MYH9: variants seen among roughly 807,000 people sequenced by gnomAD.
MYH9 encodes myosin-9.
Under a neutral mutation model 241.9 loss-of-function variants are expected in MYH9, and 29 were observed. The ratio of observed to expected loss-of-function variants is 0.12; its 90% CI spans 0.09 to 0.16. The LOEUF is 0.16. MYH9 is among the 10% of genes least tolerant of loss of function. The pLI, the probability that MYH9 is intolerant of heterozygous loss-of-function variation, is 1.00. For missense variants in MYH9, 1,803 were observed against 2,595.5 expected (o/e 0.69, Z 6.63); for synonymous variants, 1,047 against 1,062.6 (o/e 0.99, Z 0.29).
rs1463075082 is a variant in MYH9, at chr22:36,293,487, C to T, written c.3943-6G>A. On this transcript the variant is annotated splice_region_variant and splice_polypyrimidine_tract_variant and intron_variant, in intron 29 of 40. Coordinates refer to ENST00000216181, the MANE Select transcript of MYH9 (RefSeq NM_002473.6). The surrounding 1 kb of genome is among the most constrained non-coding windows in gnomAD (Gnocchi z 5.1). The stretch of plus-strand genomic sequence containing the variant: ...TTCTCCTCCTGCAGCAGCTCCTACT[C>T]GCGGGTTGAGAGGGGTGCGGGTGCT... 8 of 1,612,806 alleles carry T rather than the reference C, an allele frequency of 5.0e-6. No individual in the cohort carries two copies. Among genetic ancestry groups the T allele is most frequent in the Non-Finnish European group, 6.8e-6 (8 of 1,180,012 alleles).
At chr22:36,290,147 G>A (rs892846397) in intron 31 of MYH9, among the ~76,000 whole-genome samples, 5 of 152,018 alleles carry the variant, frequency 3.3e-5, no homozygotes, top group African/African-American at 9.7e-5. Flanking sequence ...CAGTCAAACC[G>A]CAGGAGTTTG....
rs1010713304 is a variant in MYH9 at position 36,348,851 on chromosome 22, C to T, written c.333+53G>A. On this transcript the variant is annotated intron_variant, in intron 2 of 40. Transcript: ENST00000216181. Reference sequence around the variant, plus strand: ...GTGATGGGAAGACCCGCCCCCCCCCCCCACCTCGGAGCCCTCAGACCCAGC... The same window carrying T: ...GTGATGGGAAGACCCGCCCCCCCCCTCCACCTCGGAGCCCTCAGACCCAGC... 6.1e-5 allele frequency: 71 copies of T among 1,155,094 alleles called. 2 individuals carry two copies. The Admixed American group carries it at 1.1e-3, about 18-fold the overall frequency. The allele number at this position is 1,155,094 out of a possible 1,614,324, so 71.6% of individuals were successfully genotyped here.
intron 14 of MYH9, 70 bp downstream of exon 14, chr22:36,311,979 G>A (rs1448755100): frequency 6.3e-7 from 1 of 1,595,326 alleles, no homozygotes; most frequent in East Asian, 2.3e-5. Flanking sequence ...CCGGCTCCTG[G>A]TCCTAGAGAG....
At chr22:36,352,381 A>C (rs928620201) in intron 1 of MYH9, among the ~76,000 whole-genome samples, 1 of 152,202 alleles carries the variant, frequency 6.6e-6, no homozygotes, top group Admixed American at 6.5e-5. Context: ...CTTGCAGCCC[A>C]TCAGCAGTGG....
At chr22:36,338,813 C>T (rs758234847) in intron 3 of MYH9, among the ~76,000 whole-genome samples, 62 of 149,840 alleles carry the variant, frequency 4.1e-4, no homozygotes, top group Non-Finnish European at 7.7e-4. Flanking sequence ...GAGTGAGACT[C>T]CATCTCAAAA....
At chr22:36,317,735 C>T (rs891971278) in intron 11 of MYH9, among the ~76,000 whole-genome samples, 1 of 152,246 alleles carries the variant, frequency 6.6e-6, no homozygotes, top group Non-Finnish European at 1.5e-5. Flanking sequence ...ATCAGTCTGG[C>T]AGGAAGGAGC....
rs182296792 is a variant in MYH9, at chr22:36,319,502, C to T, written c.1108+38G>A. 2.9e-3 allele frequency: 4,549 copies of T among 1,595,088 alleles called. 11 individuals carry two copies. The highest frequency in any genetic ancestry group is 3.7e-3 in the Admixed American group (220 of 59,936). On this transcript the variant is annotated intron_variant, in intron 10 of 40. Coordinates refer to ENST00000216181, the MANE Select transcript of MYH9 (RefSeq NM_002473.6). ...CCTGAGCAAATCCATGGCCAAGCAC[C>T]TGCCCCATTATTTCCAGCGAGAGGC...
At chr22:36,365,419 A>G (rs1202446442) in intron 1 of MYH9, among the ~76,000 whole-genome samples, 1 of 152,118 alleles carries the variant, frequency 6.6e-6, no homozygotes, top group Non-Finnish European at 1.5e-5. Context: ...GCGCCAGGGC[A>G]TCTCATCCTT....
At position 36,309,270 on chromosome 22, in the gene MYH9, C is replaced by A. The variant is rs150539764; in HGVS notation, c.1843+12G>T. Reference sequence around the variant, plus strand: ...CCAAGAGGAGGCAGGGGGCGAAGGGCAAAGGGCGTACCATCCTTCCACAGC... The same window carrying A: ...CCAAGAGGAGGCAGGGGGCGAAGGGAAAAGGGCGTACCATCCTTCCACAGC... On this transcript the variant is annotated intron_variant, in intron 15 of 40. Transcript: ENST00000216181. 4 of 1,611,092 alleles carry A rather than the reference C, an allele frequency of 2.5e-6. No individual in the cohort carries two copies. The highest frequency in any genetic ancestry group is 1.3e-5 in the African/African-American group (1 of 74,852).
intron 2 of MYH9, among the ~76,000 whole-genome samples, chr22:36,343,580 T>G (rs559904463): frequency 3.3e-4 from 50 of 150,262 alleles, no homozygotes; most frequent in Non-Finnish European, 8.9e-5. Flanking sequence ...GCAGCTGAGC[T>G]TAGAAATGGA....
intron 1 of MYH9, among the ~76,000 whole-genome samples, chr22:36,352,951 G>A (rs190081218): frequency 4.4e-4 from 67 of 152,262 alleles, no homozygotes; most frequent in African/African-American, 1.4e-3. Flanking sequence ...GGGTTAGACC[G>A]GCAGGGAGAG....
chr22:36,380,482 T>C (rs927175692), intron 1 of MYH9, among the ~76,000 whole-genome samples: 6 of 152,214 alleles, frequency 3.9e-5, no homozygotes, highest in Admixed American at 1.3e-4. Flanking sequence ...GGCTCACGCC[T>C]GTAATCCCAC....
rs2016949216 is a variant in MYH9 at position 36,305,184 on chromosome 22, C to A, written c.2160-82G>T. The A allele has an allele frequency of 8.3e-7, 1 of 1,202,786 alleles. No individual in the cohort carries two copies. Among genetic ancestry groups the A allele is most frequent in the Non-Finnish European group, 1.2e-6 (1 of 809,480 alleles). 74.5% of individuals were successfully genotyped at this position (1,202,786 alleles called of 1,614,324 possible). On this transcript the variant is annotated intron_variant, in intron 17 of 40. Transcript: ENST00000216181. This position sits in a 1 kb window ranked among gnomAD's most constrained non-coding sequence, Gnocchi z 4.7. ...TGGAATATAGGCGAGAGATTAACAT[C>A]ATTTCTACAATGCAACAGACACAGA...
At chr22:36,363,085 CCA>C (rs1299361290) in intron 1 of MYH9, among the ~76,000 whole-genome samples, 1 of 152,174 alleles carries the variant, frequency 6.6e-6, no homozygotes, top group Non-Finnish European at 1.5e-5. Context: ...CCCCAATTCT[CCA>C]CAGACTGAGA....
chr22:36,346,118 C>T (rs2017674178), intron 2 of MYH9, among the ~76,000 whole-genome samples: 1 of 146,596 alleles, frequency 6.8e-6, no homozygotes, highest in Non-Finnish European at 1.5e-5. Flanking sequence ...CACCACTGCA[C>T]GCCAGCCTGG....
intron 3 of MYH9, among the ~76,000 whole-genome samples, chr22:36,340,450 C>T (rs2017567681): frequency 1.3e-5 from 2 of 151,680 alleles, no homozygotes; most frequent in Admixed American, 6.6e-5. Flanking sequence ...CACCTGAGGT[C>T]AGGAGTTCGA....
chr22:36,291,683 TA>T lies in MYH9; in HGVS notation c.4344+302del, dbSNP rs66686435. On this transcript the variant is annotated intron_variant, in intron 31 of 40. Coordinates refer to ENST00000216181, the MANE Select transcript of MYH9 (RefSeq NM_002473.6). The stretch of plus-strand genomic sequence containing the variant: ...ACCCAAGAATGATCAATAAAAAAAT[TA>T]AAAAAAAAAAAAAAAAAAAAAAGAC... Among the ~76,000 whole-genome samples the T allele has an allele frequency of 0.39, 34,016 of 87,036 alleles. 5,687 individuals carry two copies. Among genetic ancestry groups the T allele is most frequent in the East Asian group, 0.73 (2,266 of 3,120 alleles). 57.1% of individuals were successfully genotyped at this position (87,036 alleles called of 152,430 possible).
At position 36,295,845 on chromosome 22, in the gene MYH9, G is replaced by T; in HGVS notation, c.3273-128C>A. On this transcript the variant is annotated intron_variant, in intron 25 of 40. Coordinates refer to ENST00000216181, the MANE Select transcript of MYH9 (RefSeq NM_002473.6). This position sits in a 1 kb window ranked among gnomAD's most constrained non-coding sequence, Gnocchi z 4.1. ...CTGTGGTCACAATCATGGCACTTAG[G>T]ATGGCTCTCAGCAGAAACAACATCT... 1.2e-6 allele frequency: 1 copy of T among 830,150 alleles called. No individual in the cohort carries two copies. Among genetic ancestry groups the T allele is most frequent in the Non-Finnish European group, 2.0e-6 (1 of 503,490 alleles). 51.4% of individuals were successfully genotyped at this position (830,150 alleles called of 1,614,324 possible). A position where few individuals can be genotyped will look rare whatever the true frequency, so the allele number is the denominator to read the frequency against.
At chr22:36,286,298 T>C (rs2016579241) in intron 35 of MYH9, among the ~76,000 whole-genome samples, 1 of 152,278 alleles carries the variant, frequency 6.6e-6, no homozygotes, top group South Asian at 2.1e-4. Flanking sequence ...GAGTCAGCTC[T>C]GGAGGCCACA....
Sources: gnomAD v4.1 joint callset for allele counts (sites outside exome capture counted in the v4.1 genomes callset) on GRCh38, gnomAD v4.1.1 for gene constraint, Gnocchi (gnomAD v3.1) non-coding constraint, MANE v1.5 for transcripts, NCBI Gene and HGNC (gene_info 2026-07-23, HGNC 2026-07-21) for gene names.